TASP1: variants seen among roughly 807,000 people sequenced by gnomAD.
TASP1 encodes the protein threonine aspartase 1.
Under a neutral mutation model 56.6 loss-of-function variants are expected in TASP1, and 16 were observed. That is an observed-to-expected ratio of 0.28 (90% CI 0.19 to 0.43). The LOEUF is 0.43. Among genes scored for constraint, TASP1 ranks in the 20% least tolerant of loss-of-function variants. The pLI is 1.00. For missense variants in TASP1, 393 were observed against 511.6 expected (o/e 0.77, Z 2.24); for synonymous variants, 179 against 184.2 (o/e 0.97, Z 0.23).
At chr20:13,571,504 C>T (rs1369905063) in intron 6 of TASP1, among the ~76,000 whole-genome samples, 1 of 152,204 alleles carries the variant, frequency 6.6e-6, no homozygotes, top group Non-Finnish European at 1.5e-5. Flanking sequence ...TATCTGGAAT[C>T]TGACCACTTC....
chr20:13,393,572 C>G, intron 13 of TASP1: 1 of 877,990 alleles, frequency 1.1e-6, no homozygotes, highest in Non-Finnish European at 1.9e-6. Flanking sequence ...CTGGCAATGC[C>G]CTCAACAACC....
At chr20:13,549,569 T>C (rs376242539) in intron 8 of TASP1, among the ~76,000 whole-genome samples, 3 of 152,116 alleles carry the variant, frequency 2.0e-5, no homozygotes, top group Admixed American at 2.0e-4. Flanking sequence ...TGTATGGTGA[T>C]AGCATATGAT....
At chr20:13,460,754 A>G (rs545529579) in intron 11 of TASP1, among the ~76,000 whole-genome samples, 1 of 152,122 alleles carries the variant, frequency 6.6e-6, no homozygotes, top group East Asian at 1.9e-4. Context: ...TACCTTCAAA[A>G]ACTATCCGGA....
chr20:13,586,521 G>A (rs906176716), intron 5 of TASP1, among the ~76,000 whole-genome samples: 1 of 152,026 alleles, frequency 6.6e-6, no homozygotes, highest in African/African-American at 2.4e-5. Flanking sequence ...CAAGAAGTAT[G>A]GACCAAGGAG....
chr20:13,417,090 T>G (rs2042280777), intron 13 of TASP1, among the ~76,000 whole-genome samples: 2 of 152,222 alleles, frequency 1.3e-5, no homozygotes, highest in Non-Finnish European at 2.9e-5. Context: ...CAACACTTCT[T>G]GCAGAAACAT....
chr20:13,231,040 G>C, the TASP1 span, among the ~76,000 whole-genome samples: 5,375 of 151,992 alleles, frequency 0.035, 265 homozygotes, highest in African/African-American at 0.11. Flanking sequence ...CTCCCTCTTC[G>C]CCTACCAGAG....
At chr20:13,501,450 A>G (rs1458384505) in intron 10 of TASP1, among the ~76,000 whole-genome samples, 1 of 152,054 alleles carries the variant, frequency 6.6e-6, no homozygotes, top group African/African-American at 2.4e-5. Context: ...GAAAGAAATA[A>G]TGAACTTAAC....
chr20:13,293,932 C>A, the TASP1 span, among the ~76,000 whole-genome samples: 1 of 151,878 alleles, frequency 6.6e-6, no homozygotes, highest in African/African-American at 2.4e-5. Context: ...CGAGATCACA[C>A]CATTGCACTC....
chr20:13,461,277 T>A (rs963935908), intron 11 of TASP1, among the ~76,000 whole-genome samples: 1 of 152,204 alleles, frequency 6.6e-6, no homozygotes, highest in African/African-American at 2.4e-5. Flanking sequence ...ATCCACCTTT[T>A]GTACTTCATT....
At chr20:13,289,260 T>C in the TASP1 span, among the ~76,000 whole-genome samples, 1 of 152,172 alleles carries the variant, frequency 6.6e-6, no homozygotes, top group Non-Finnish European at 1.5e-5. Flanking sequence ...GTGGGATTTG[T>C]TGTCCCTTGA....
the TASP1 span, among the ~76,000 whole-genome samples, chr20:13,347,767 G>A: frequency 7.9e-5 from 12 of 152,078 alleles, no homozygotes; most frequent in South Asian, 4.2e-4. Context: ...GCTTGAATCC[G>A]GGGGGCAGAG....
At chr20:13,140,113 C>T in the TASP1 span, among the ~76,000 whole-genome samples, 4 of 152,076 alleles carry the variant, frequency 2.6e-5, no homozygotes, top group African/African-American at 9.7e-5. Context: ...ATTGGAGTAG[C>T]TCTGGAAGTC....
At chr20:13,573,962 T>A (rs560311710) in intron 6 of TASP1, among the ~76,000 whole-genome samples, 1 of 152,126 alleles carries the variant, frequency 6.6e-6, no homozygotes, top group Non-Finnish European at 1.5e-5. Flanking sequence ...AGAGAGGCCA[T>A]GTAGCCAGAG....
At chr20:13,383,114 G>A in the TASP1 span, among the ~76,000 whole-genome samples, 1 of 152,198 alleles carries the variant, frequency 6.6e-6, no homozygotes. Flanking sequence ...TATGGGGTCG[G>A]AGAACAAGAA....
At chr20:13,454,343 G>GT (rs1020245533) in intron 11 of TASP1, among the ~76,000 whole-genome samples, 21 of 152,152 alleles carry the variant, frequency 1.4e-4, no homozygotes, top group African/African-American at 4.8e-4. Context: ...GTCTGTGGTA[G>GT]TTTCAGGGAG....
At chr20:13,601,555 A>G (rs1266287557) in intron 4 of TASP1, among the ~76,000 whole-genome samples, 2 of 152,168 alleles carry the variant, frequency 1.3e-5, no homozygotes, top group African/African-American at 4.8e-5. Flanking sequence ...ATAGGAGGAA[A>G]AAGAAAATTT....
chr20:13,379,352 A>G, the TASP1 span, among the ~76,000 whole-genome samples: 1 of 152,338 alleles, frequency 6.6e-6, no homozygotes, highest in East Asian at 1.9e-4. Flanking sequence ...TTGGCTGGAT[A>G]TGAAATTCTG....
intron 10 of TASP1, among the ~76,000 whole-genome samples, chr20:13,500,018 C>T (rs1264387827): frequency 2.0e-5 from 3 of 151,572 alleles, no homozygotes; most frequent in African/African-American, 7.3e-5. Flanking sequence ...TGAAAAATTA[C>T]CTACTGGGTA....
intron 6 of TASP1, among the ~76,000 whole-genome samples, chr20:13,577,048 G>A (rs1479224755): frequency 6.6e-6 from 1 of 152,062 alleles, no homozygotes; most frequent in African/African-American, 2.4e-5. Context: ...TGTATATGCT[G>A]TAATAATATG....
Sources: allele counts gnomAD v4.1 joint callset (sites outside exome capture counted in the v4.1 genomes callset), GRCh38; gene constraint gnomAD v4.1.1; transcripts MANE v1.5; gene names NCBI Gene and HGNC (gene_info 2026-07-23, HGNC 2026-07-21).